Variants in WASL observed in about 807,000 individuals in gnomAD.
The protein encoded by WASL is WASP like actin nucleation promoting factor.
WASL carries 20 observed loss-of-function variants against 55.5 expected under a neutral mutation model. The ratio of observed to expected loss-of-function variants is 0.36; its 90% CI spans 0.25 to 0.52. The LOEUF (loss-of-function observed/expected upper bound fraction) is 0.52. WASL is among the 20% of genes least tolerant of loss of function. WASL has a pLI of 0.92. For synonymous variants in WASL, 249 were observed against 217.6 expected (o/e 1.14, Z -1.27); for missense variants, 504 against 622.5 (o/e 0.81, Z 2.03).
At chr7:123,701,685 C>T in intron 5 of WASL, among the ~76,000 whole-genome samples, 1 of 152,150 alleles carries the variant, frequency 6.6e-6, no homozygotes, top group Non-Finnish European at 1.5e-5. Flanking sequence ...AGGACATGGT[C>T]CAGGGGCCCA....
rs1405943092 is a variant in WASL at position 123,682,410 on chromosome 7, T to C, written c.*2109A>G. 6.6e-6 allele frequency: 1 copy of C among 152,026 alleles called. No homozygotes were observed. The highest frequency in any genetic ancestry group is 6.6e-5 in the Admixed American group (1 of 15,248). 9.4% of individuals were successfully genotyped at this position (152,026 alleles called of 1,614,324 possible). A position where few individuals can be genotyped will look rare whatever the true frequency, so the allele number is the denominator to read the frequency against. The stretch of plus-strand genomic sequence containing the variant: ...CAACAACCAATGTCTTTTTCTTCTT[T>C]AAGAAAAAAAGAATAAATTAATTAC... On this transcript the variant is annotated 3_prime_UTR_variant, in exon 11 of 11. Coordinates refer to ENST00000223023, the MANE Select transcript of WASL (RefSeq NM_003941.4).
At chr7:123,727,635 T>C (rs1207285135) in intron 1 of WASL, among the ~76,000 whole-genome samples, 1 of 151,770 alleles carries the variant, frequency 6.6e-6, no homozygotes, top group Non-Finnish European at 1.5e-5. Flanking sequence ...TTGCAAAGGG[T>C]GGACGAAGAT....
chr7:123,688,518 G>A (rs1229156290), intron 10 of WASL, among the ~76,000 whole-genome samples: 2 of 152,042 alleles, frequency 1.3e-5, no homozygotes, highest in East Asian at 1.9e-4. Context: ...GCGCCACCAC[G>A]CCGGCTAACT....
At chr7:123,720,793 G>C (rs140181615) in intron 1 of WASL, among the ~76,000 whole-genome samples, 1,926 of 151,758 alleles carry the variant, frequency 0.013, 14 homozygotes, top group Non-Finnish European at 0.019. Flanking sequence ...GGGACTACAG[G>C]TGCCTGCACA....
chr7:123,688,705 A>AAC (rs1562956505), intron 10 of WASL, among the ~76,000 whole-genome samples: 2 of 152,106 alleles, frequency 1.3e-5, no homozygotes, highest in Non-Finnish European at 2.9e-5. Context: ...ATGAGATCTA[A>AAC]AAATCTCAAG....
intron 7 of WASL, 37 bp downstream of exon 7, chr7:123,695,786 T>C: frequency 6.3e-7 from 1 of 1,595,306 alleles, no homozygotes; most frequent in Non-Finnish European, 8.6e-7. Context: ...CATTTCCACA[T>C]ACAGTTATAA....
At chr7:123,716,893 T>C (rs1028392379) in intron 1 of WASL, among the ~76,000 whole-genome samples, 1 of 152,120 alleles carries the variant, frequency 6.6e-6, no homozygotes, top group Non-Finnish European at 1.5e-5. Flanking sequence ...ATAGGTGAGC[T>C]CAATTTATTT....
chr7:123,705,250 G>A (rs1156343329), intron 4 of WASL, among the ~76,000 whole-genome samples: 1 of 152,130 alleles, frequency 6.6e-6, no homozygotes, highest in African/African-American at 2.4e-5. Context: ...ATAGGACTCT[G>A]ATAGGATTTA....
chr7:123,748,091 C>T (rs1041229317), intron 1 of WASL, among the ~76,000 whole-genome samples: 1 of 152,154 alleles, frequency 6.6e-6, no homozygotes, highest in Admixed American at 6.5e-5. Context: ...CTTGCACCCT[C>T]TCTAATCCGA....
chr7:123,716,592 G>C (rs1203987791), intron 1 of WASL, among the ~76,000 whole-genome samples: 1 of 151,600 alleles, frequency 6.6e-6, no homozygotes, highest in African/African-American at 2.4e-5. Flanking sequence ...TGATAACAAG[G>C]GGAAAAAAAA....
rs567016017 is a variant in WASL at position 123,691,704 on chromosome 7, C to T, written c.1347+643G>A. On this transcript the variant is annotated intron_variant, in intron 9 of 10. Coordinates refer to ENST00000223023, the MANE Select transcript of WASL (RefSeq NM_003941.4). Reference sequence around the variant, plus strand: ...AATGACCTGTAAGATTAAATGATTACCTCATCCAAATCAGATAATCCTAAA... The same window carrying T: ...AATGACCTGTAAGATTAAATGATTATCTCATCCAAATCAGATAATCCTAAA... Among the ~76,000 whole-genome samples, 48 of 152,280 alleles carry T rather than the reference C, an allele frequency of 3.2e-4. 1 individual carries two copies. The highest frequency in any genetic ancestry group is 9.1e-4 in the Admixed American group (14 of 15,308).
chr7:123,739,551 CTT>C (rs1317584162), intron 1 of WASL, among the ~76,000 whole-genome samples: 1 of 152,182 alleles, frequency 6.6e-6, no homozygotes, highest in African/African-American at 2.4e-5. Flanking sequence ...ATATTCAACA[CTT>C]TATTATAAAA....
At chr7:123,696,785 TTAAGA>T in intron 5 of WASL, 38 bp from the exon 6 acceptor site, 1 of 1,332,396 alleles carries the variant, frequency 7.5e-7, no homozygotes, top group Non-Finnish European at 9.9e-7. Flanking sequence ...GGGATATAAT[TTAAGA>T]TAACTGATAT....
At chr7:123,705,026 G>C (rs1803646375) in intron 4 of WASL, among the ~76,000 whole-genome samples, 1 of 152,208 alleles carries the variant, frequency 6.6e-6, no homozygotes, top group South Asian at 2.1e-4. Context: ...ATTTTAAATA[G>C]AGAAAGTGAT....
At chr7:123,693,210 G>C (rs1321336951) in intron 8 of WASL, among the ~76,000 whole-genome samples, 1 of 152,084 alleles carries the variant, frequency 6.6e-6, no homozygotes, top group Non-Finnish European at 1.5e-5. Context: ...TAAACATTTT[G>C]TTAATTAGCA....
chr7:123,714,559 G>C (rs143561969), intron 1 of WASL, among the ~76,000 whole-genome samples: 6 of 152,152 alleles, frequency 3.9e-5, no homozygotes, highest in African/African-American at 1.4e-4. Context: ...CAAACACAGA[G>C]AGTCTTTTAG....
chr7:123,742,781 T>G (rs564619174), intron 1 of WASL, among the ~76,000 whole-genome samples: 1 of 152,336 alleles, frequency 6.6e-6, no homozygotes, highest in East Asian at 1.9e-4. Flanking sequence ...CCTATTAAAT[T>G]ACAATGCTTA....
chr7:123,723,661 G>C (rs1008182950), intron 1 of WASL, among the ~76,000 whole-genome samples: 4 of 152,172 alleles, frequency 2.6e-5, no homozygotes, highest in Admixed American at 2.6e-4. Context: ...CAGGAATTTA[G>C]AATTCTAAAC....
intron 5 of WASL, among the ~76,000 whole-genome samples, chr7:123,703,450 ATATT>A (rs1803621756): frequency 1.3e-5 from 2 of 152,156 alleles, no homozygotes; most frequent in Admixed American, 1.3e-4. Flanking sequence ...AGAATAACTA[ATATT>A]TATTAAGCAC....
Sources: allele counts gnomAD v4.1 joint callset (sites outside exome capture counted in the v4.1 genomes callset), GRCh38; gene constraint gnomAD v4.1.1; transcripts MANE v1.5; gene names NCBI Gene and HGNC (gene_info 2026-07-23, HGNC 2026-07-21).